Variants in CTTNBP2 observed in about 807,000 individuals in gnomAD.
The protein encoded by CTTNBP2 is cortactin binding protein 2.
A neutral mutation model predicts 156.9 loss-of-function variants in CTTNBP2; 108 were observed. The observed-to-expected ratio is 0.69, with a 90% confidence interval of 0.59 to 0.81. The LOEUF is 0.81. CTTNBP2 is among the 30% of genes least tolerant of loss of function. The pLI, the probability that CTTNBP2 is intolerant of heterozygous loss-of-function variation, is 0.00. For synonymous variants in CTTNBP2, 767 were observed against 751.8 expected (o/e 1.02, Z -0.33); for missense variants, 1,924 against 2,035.4 (o/e 0.95, Z 1.05).
intron 8 of CTTNBP2, among the ~76,000 whole-genome samples, 172 bp downstream of exon 8, chr7:117,777,339 C>A (rs981570494): frequency 3.3e-5 from 5 of 152,144 alleles, no homozygotes; most frequent in Non-Finnish European, 4.4e-5. Flanking sequence ...ATACCCTTGA[C>A]CATAAGTAAC....
chr7:117,812,379 T>C (rs1800344154), intron 2 of CTTNBP2, among the ~76,000 whole-genome samples: 1 of 152,098 alleles, frequency 6.6e-6, no homozygotes, highest in African/African-American at 2.4e-5. Context: ...TGAAGAAATA[T>C]TATTAATGCA....
intron 3 of CTTNBP2, among the ~76,000 whole-genome samples, chr7:117,807,884 TG>T (rs1563027726): frequency 6.6e-6 from 1 of 152,216 alleles, no homozygotes; most frequent in Non-Finnish European, 1.5e-5. Flanking sequence ...TGAACCACGA[TG>T]TAAGCCAACT....
intron 12 of CTTNBP2, 58 bp downstream of exon 12, chr7:117,756,497 C>G: frequency 7.4e-7 from 1 of 1,360,278 alleles, no homozygotes. Context: ...ATGGGCCACC[C>G]AATTTTCCAG....
intron 2 of CTTNBP2, among the ~76,000 whole-genome samples, chr7:117,834,290 G>A (rs1801796179): frequency 6.6e-6 from 1 of 152,084 alleles, no homozygotes; most frequent in African/African-American, 2.4e-5. Context: ...CCTGACCTCA[G>A]GTGATCCATC....
At chr7:117,744,389 A>G (rs985119078) in intron 14 of CTTNBP2, among the ~76,000 whole-genome samples, 1 of 151,828 alleles carries the variant, frequency 6.6e-6, no homozygotes, top group African/African-American at 2.4e-5. Flanking sequence ...CATGAATTCA[A>G]TTGCTTTGAT....
At chr7:117,746,620 CGTGT>C (rs891298253) in intron 12 of CTTNBP2, among the ~76,000 whole-genome samples, 1 of 151,798 alleles carries the variant, frequency 6.6e-6, no homozygotes, top group African/African-American at 2.4e-5. Context: ...ATAGTGGCTG[CGTGT>C]GTGTGTGTAT....
intron 8 of CTTNBP2, 119 bp downstream of exon 8, chr7:117,777,392 C>T (rs1476816030): frequency 3.8e-5 from 38 of 998,476 alleles, no homozygotes; most frequent in Non-Finnish European, 5.4e-5. Flanking sequence ...TAAATAACAT[C>T]TGCAATTGTA....
chr7:117,822,805 T>C (rs1287884802), intron 2 of CTTNBP2, among the ~76,000 whole-genome samples: 2 of 152,112 alleles, frequency 1.3e-5, no homozygotes, highest in African/African-American at 4.8e-5. Flanking sequence ...TTAACCAGAG[T>C]GTGTTTTCTG....
chr7:117,776,696 T>A (rs1316762749), intron 8 of CTTNBP2, among the ~76,000 whole-genome samples: 1 of 152,212 alleles, frequency 6.6e-6, no homozygotes, highest in African/African-American at 2.4e-5. Flanking sequence ...TTCCTGGAGC[T>A]CTGCCCTTTG....
At position 117,725,143 on chromosome 7, in the gene CTTNBP2, G is replaced by A. The variant is rs1242107534; in HGVS notation, c.4170C>T (p.His1390=). 5 of 1,613,534 alleles carry A rather than the reference G, an allele frequency of 3.1e-6. No individual in the cohort carries two copies. Among genetic ancestry groups the A allele is most frequent in the Non-Finnish European group, 4.2e-6 (5 of 1,180,030 alleles). ...PGFGQTTAKR[H]PSQGQQAVVK... ...CCACAGCCTGCTGTCCTTGGCTAGG[G>A]TGTCTTTTAGCAGTTGTCTGCCCAA... Residue 1390 remains histidine (H), a synonymous_variant, in exon 18 of 23, where the codon CAC becomes CAT. Transcript: ENST00000160373.
chr7:117,864,843 C>CAATA (rs1554451848), intron 1 of CTTNBP2, among the ~76,000 whole-genome samples: 2 of 107,706 alleles, frequency 1.9e-5, no homozygotes, highest in African/African-American at 3.6e-5. Flanking sequence ...TATATTCATT[C>CAATA]TATATTCATA....
At chr7:117,717,595 A>C (rs1411769791) in intron 22 of CTTNBP2, among the ~76,000 whole-genome samples, 1 of 151,738 alleles carries the variant, frequency 6.6e-6, no homozygotes, top group Non-Finnish European at 1.5e-5. Flanking sequence ...CATTCTGTCT[A>C]CATTACCCAC....
At chr7:117,719,898 C>G (rs955923044) in intron 20 of CTTNBP2, among the ~76,000 whole-genome samples, 1 of 152,100 alleles carries the variant, frequency 6.6e-6, no homozygotes, top group African/African-American at 2.4e-5. Context: ...CTTATTCTTG[C>G]CGTTTCTTGT....
intron 1 of CTTNBP2, among the ~76,000 whole-genome samples, chr7:117,871,263 T>TA (rs1261569663): frequency 6.6e-6 from 1 of 152,198 alleles, no homozygotes; most frequent in African/African-American, 2.4e-5. Context: ...AATCAGTCTA[T>TA]AGGTCAAGCG....
intron 21 of CTTNBP2, among the ~76,000 whole-genome samples, chr7:117,718,507 G>C (rs1405662356): frequency 1.3e-5 from 2 of 152,154 alleles, no homozygotes; most frequent in Middle Eastern, 6.3e-3. Context: ...CTTTGTCGTA[G>C]ATATTATGAC....
intron 16 of CTTNBP2, among the ~76,000 whole-genome samples, chr7:117,729,856 C>CGG (rs1212502744): frequency 1.3e-5 from 2 of 152,096 alleles, no homozygotes; most frequent in African/African-American, 2.4e-5. Context: ...GAGGTGGGGA[C>CGG]TTCAGCTGGG....
chr7:117,807,471 C>A (rs1395497222), intron 3 of CTTNBP2, among the ~76,000 whole-genome samples: 1 of 152,152 alleles, frequency 6.6e-6, no homozygotes, highest in Non-Finnish European at 1.5e-5. Flanking sequence ...ATATTTTGTT[C>A]TTTTCTGACC....
intron 22 of CTTNBP2, chr7:117,713,759 A>G (rs1303274169): frequency 6.6e-6 from 1 of 152,234 alleles, no homozygotes; most frequent in African/African-American, 2.4e-5. Flanking sequence ...CTAAATCACC[A>G]AAGTGAAATC....
chr7:117,857,090 T>C (rs1474432615), intron 2 of CTTNBP2, among the ~76,000 whole-genome samples: 1 of 152,228 alleles, frequency 6.6e-6, no homozygotes, highest in African/African-American at 2.4e-5. Context: ...TTGGGCACAT[T>C]CTTTATTGAA....
Sources: allele counts gnomAD v4.1 joint callset (sites outside exome capture counted in the v4.1 genomes callset), GRCh38; gene constraint gnomAD v4.1.1; transcripts MANE v1.5; gene names NCBI Gene and HGNC (gene_info 2026-07-23, HGNC 2026-07-21).